NAA50: variants seen among roughly 807,000 people sequenced by gnomAD.
NAA50 encodes the protein N-alpha-acetyltransferase 50.
A neutral mutation model predicts 20.7 loss-of-function variants in NAA50; 7 were observed. The observed-to-expected ratio is 0.34, with a 90% CI of 0.19 to 0.63. NAA50 has a LOEUF of 0.63. Among genes scored for constraint, NAA50 ranks in the 30% least tolerant of loss-of-function variants. The pLI is 0.75. For missense variants in NAA50, 111 were observed against 199.1 expected (o/e 0.56, Z 2.66); for synonymous variants, 54 against 70.6 (o/e 0.77, Z 1.18).
intron 1 of NAA50, among the ~76,000 whole-genome samples, chr3:113,737,768 A>AT (rs1708363463): frequency 6.6e-6 from 1 of 152,056 alleles, no homozygotes; most frequent in Non-Finnish European, 1.5e-5. Flanking sequence ...GCATCCCTAG[A>AT]TTTTACCCAC....
At chr3:113,745,339 T>C (rs1708476450) in intron 1 of NAA50, among the ~76,000 whole-genome samples, 1 of 152,106 alleles carries the variant, frequency 6.6e-6, no homozygotes, top group Non-Finnish European at 1.5e-5. Flanking sequence ...TATACTTCCT[T>C]AAATATGTTG....
chr3:113,726,754 A>AAG (rs1553705381), intron 1 of NAA50, among the ~76,000 whole-genome samples: 1 of 152,028 alleles, frequency 6.6e-6, no homozygotes, highest in Non-Finnish European at 1.5e-5. Context: ...AAAAAAAAAA[A>AAG]AAAGAAAGAA....
At chr3:113,745,356 C>A (rs1708476777) in intron 1 of NAA50, among the ~76,000 whole-genome samples, 1 of 152,146 alleles carries the variant, frequency 6.6e-6, no homozygotes, top group South Asian at 2.1e-4. Context: ...GTTGGCACCC[C>A]AAGTCTACAG....
intron 1 of NAA50, among the ~76,000 whole-genome samples, chr3:113,736,286 T>C (rs1299382275): frequency 6.6e-6 from 1 of 152,146 alleles, no homozygotes; most frequent in African/African-American, 2.4e-5. Flanking sequence ...ATTTTTAGAC[T>C]AAGGAAAAGT....
chr3:113,729,152 A>AT (rs2107988163), intron 1 of NAA50, among the ~76,000 whole-genome samples: 1 of 151,524 alleles, frequency 6.6e-6, no homozygotes, highest in East Asian at 2.0e-4. Context: ...CTCCTAACTA[A>AT]TTTTTGTATT....
Position 113,745,983 on chromosome 3 carries a change from A to T in NAA50, c.-34T>A, listed in dbSNP as rs767512968. On this transcript the variant is annotated 5_prime_UTR_variant, in exon 1 of 5. Transcript: ENST00000240922. ...CCTGCTGAGGCCGTCGTTACCACCGATATCAACGCCGTCGTAGTCGCCGCC... is the reference window on the plus strand; with the variant it reads ...CCTGCTGAGGCCGTCGTTACCACCGTTATCAACGCCGTCGTAGTCGCCGCC... The T allele has an allele frequency of 6.2e-6, 10 of 1,605,846 alleles. No individual in the cohort carries two copies. The African/African-American group carries it at 1.1e-4, about 17-fold the overall frequency.
intron 1 of NAA50, chr3:113,740,979 T>C (rs1311631821): frequency 5.8e-6 from 3 of 515,270 alleles, no homozygotes; most frequent in Non-Finnish European, 1.2e-5. Context: ...GTTATCAAAC[T>C]GAGACACTGT....
Position 113,720,863 on chromosome 3 carries a change from T to A in NAA50, c.*897A>T, listed in dbSNP as rs1316817518. 6.6e-6 allele frequency: 1 copy of A among 152,454 alleles called. No individual in the cohort carries two copies. 9.4% of individuals were successfully genotyped at this position (152,454 alleles called of 1,614,324 possible). ...CACCTGCTTCAGGTTTATTTAGGGG[T>A]AGTGACCTATAAGGACATCAACTCA... On this transcript the variant is annotated 3_prime_UTR_variant, in exon 5 of 5. Transcript: ENST00000240922.
At chr3:113,740,111 T>A (rs1708394877) in intron 1 of NAA50, among the ~76,000 whole-genome samples, 1 of 151,988 alleles carries the variant, frequency 6.6e-6, no homozygotes, top group Non-Finnish European at 1.5e-5. Flanking sequence ...AGAAGTTTTT[T>A]TTCATTCAAG....
chr3:113,723,811 AT>A, intron 2 of NAA50, 147 bp downstream of exon 2: 1 of 940,820 alleles, frequency 1.1e-6, no homozygotes. Context: ...TTTCTCTGAG[AT>A]TTTTCTCACA....
chr3:113,735,884 T>C (rs1361731579), intron 1 of NAA50, among the ~76,000 whole-genome samples: 1 of 152,232 alleles, frequency 6.6e-6, no homozygotes, highest in Non-Finnish European at 1.5e-5. Context: ...GGTTTCGCCA[T>C]GTTGGCCAGG....
In NAA50 at chr3:113,721,945, A is replaced by G. The variant is rs753015851; in HGVS notation, c.333-8T>C. The stretch of plus-strand genomic sequence containing the variant: ...TTGCTGATCTGGACATGCCTGAGAT[A>G]TAAGAGAGTATCAGAAAAAAAATTA... On this transcript the variant is annotated splice_region_variant and splice_polypyrimidine_tract_variant and intron_variant, in intron 4 of 4. Transcript: ENST00000240922. The G allele has an allele frequency of 1.5e-5, 24 of 1,598,210 alleles. No individual in the cohort carries two copies. The East Asian group carries it at 3.6e-4, about 24-fold the overall frequency.
In NAA50 at chr3:113,746,138, G is replaced by C. The variant is rs990220187; in HGVS notation, c.-189C>G. ...GGGCTTGAGTCTGGTGGGGGCGGGA[G>C]TGTCTCCCGCCGCCGCGCTTGTGCC... On this transcript the variant is annotated 5_prime_UTR_variant, in exon 1 of 5. Coordinates refer to ENST00000240922, the MANE Select transcript of NAA50 (RefSeq NM_025146.4). 10 of 637,510 alleles carry C rather than the reference G, an allele frequency of 1.6e-5. No individual in the cohort carries two copies. Among genetic ancestry groups the C allele is most frequent in the South Asian group, 4.2e-5 (2 of 47,644 alleles). 39.5% of individuals were successfully genotyped at this position (637,510 alleles called of 1,614,324 possible).
intron 1 of NAA50, among the ~76,000 whole-genome samples, chr3:113,726,133 G>A (rs570340155): frequency 6.6e-6 from 1 of 152,100 alleles, no homozygotes; most frequent in South Asian, 2.1e-4. Flanking sequence ...TGTCTTGTAT[G>A]TCTTCCTAAA....
intron 1 of NAA50, among the ~76,000 whole-genome samples, chr3:113,727,280 ATGAAGT>A (rs1205168987): frequency 3.3e-5 from 5 of 152,254 alleles, no homozygotes; most frequent in Admixed American, 6.5e-5. Context: ...AAATTACATT[ATGAAGT>A]TGAAGTATCA....
rs978857164 is a variant in NAA50, at chr3:113,719,222, C to T, written c.*2538G>A. 3.3e-5 allele frequency: 5 copies of T among 152,562 alleles called. No homozygotes were observed. Among genetic ancestry groups the T allele is most frequent in the African/African-American group, 1.2e-4 (5 of 41,446 alleles). 9.5% of individuals were successfully genotyped at this position (152,562 alleles called of 1,614,324 possible). A position where few individuals can be genotyped will look rare whatever the true frequency, so the allele number is the denominator to read the frequency against. On this transcript the variant is annotated 3_prime_UTR_variant, in exon 5 of 5. Coordinates refer to ENST00000240922, the MANE Select transcript of NAA50 (RefSeq NM_025146.4). ...GTAAACTGCTTTAGATATTTCAGAA[C>T]TTCATTCCCCAAATGAAAGCTAATC...
chr3:113,728,859 C>G (rs529517720), intron 1 of NAA50, among the ~76,000 whole-genome samples: 30 of 152,220 alleles, frequency 2.0e-4, no homozygotes, highest in Non-Finnish European at 3.8e-4. Context: ...GTTCCAAAAT[C>G]TGCTTTGCTT....
At chr3:113,724,375 T>C (rs1389414356) in intron 1 of NAA50, among the ~76,000 whole-genome samples, 1 of 152,242 alleles carries the variant, frequency 6.6e-6, no homozygotes, top group Non-Finnish European at 1.5e-5. Flanking sequence ...AAATTTTCCT[T>C]GTAGTTCATA....
intron 1 of NAA50, 146 bp downstream of exon 1, chr3:113,745,796 G>A (rs1453635943): frequency 6.1e-6 from 6 of 986,986 alleles, no homozygotes; most frequent in Non-Finnish European, 1.4e-6. Context: ...GCCCCCTCCG[G>A]GAGCCGAGGG....
Sources: gnomAD v4.1 joint callset for allele counts (sites outside exome capture counted in the v4.1 genomes callset) on GRCh38, gnomAD v4.1.1 for gene constraint, MANE v1.5 for transcripts, NCBI Gene and HGNC (gene_info 2026-07-23, HGNC 2026-07-21) for gene names.